The following ABCC12 variants were observed in gnomAD, a reference collection of about 807,000 sequenced individuals.
The protein encoded by ABCC12 is ATP-binding cassette sub-family C member 12.
Under a neutral mutation model 151.1 loss-of-function variants are expected in ABCC12, and 142 were observed. The observed-to-expected ratio is 0.94, with a 90% CI of 0.82 to 1.08. ABCC12 has a LOEUF of 1.08. Among genes scored for constraint, ABCC12 ranks in the 50% least tolerant of loss-of-function variants. The pLI, the probability that ABCC12 is intolerant of heterozygous loss-of-function variation, is 0.00. For synonymous variants in ABCC12, 645 were observed against 646.4 expected (o/e 1.00, Z 0.03); for missense variants, 1,638 against 1,691.1 (o/e 0.97, Z 0.55).
chr16:48,138,162 A>T, intron 8 of ABCC12, 66 bp downstream of exon 8: 3 of 1,490,160 alleles, frequency 2.0e-6, no homozygotes, highest in Non-Finnish European at 2.7e-6. Context: ...TGGGAACCGT[A>T]AGAACCCCTT....
rs1209147079 is a variant in ABCC12, at chr16:48,155,882, A to T, written c.-361T>A. On this transcript the variant is annotated 5_prime_UTR_variant, in exon 1 of 31. The change abolishes an upstream ATG in the 5' untranslated region. Coordinates refer to ENST00000311303, the MANE Select transcript of ABCC12 (RefSeq NM_001393797.1). ...AGGGAGGGGAGGAGGGTCAGCAGTC[A>T]TGGGGCTCAGAGCCTGGCATCTGCT... 2 of 152,342 alleles carry T rather than the reference A, an allele frequency of 1.3e-5. No individual in the cohort carries two copies. The highest frequency in any genetic ancestry group is 2.9e-5 in the Non-Finnish European group (2 of 68,168). 9.4% of individuals were successfully genotyped at this position (152,342 alleles called of 1,614,324 possible).
intron 8 of ABCC12, among the ~76,000 whole-genome samples, chr16:48,137,802 T>C (rs16945857): frequency 0.02 from 3,048 of 152,310 alleles, 98 homozygotes; most frequent in African/African-American, 0.07. Flanking sequence ...CAAGGAGTGT[T>C]GAGTCAGTGG....
intron 25 of ABCC12, 69 bp downstream of exon 25, chr16:48,091,037 TTTCGCATCTAAAAA>T: frequency 7.3e-7 from 1 of 1,365,916 alleles, no homozygotes; most frequent in Middle Eastern, 1.8e-4. Context: ...AAAAGACCCC[TTTCGCATCTAAAAA>T]GATCCAGTAT....
At position 48,104,125 on chromosome 16, in the gene ABCC12, A is replaced by G; in HGVS notation, c.2900+17T>C. 2 of 1,610,802 alleles carry G rather than the reference A, an allele frequency of 1.2e-6. No homozygotes were observed. Among genetic ancestry groups the G allele is most frequent in the Middle Eastern group, 1.7e-4 (1 of 6,044 alleles). Reference sequence around the variant, plus strand: ...GTGTGTGTATCGTTTTCTCGTGTAAATAGCACATGGGCCTACCGTAACAGA... The same window carrying G: ...GTGTGTGTATCGTTTTCTCGTGTAAGTAGCACATGGGCCTACCGTAACAGA... On this transcript the variant is annotated intron_variant, in intron 22 of 30. Transcript: ENST00000311303.
At chr16:48,120,845 C>T (rs962828503) in intron 13 of ABCC12, among the ~76,000 whole-genome samples, 11 of 152,306 alleles carry the variant, frequency 7.2e-5, no homozygotes, top group South Asian at 2.1e-4. Context: ...TGAGCCACTG[C>T]GCCCAGCTAA....
Position 48,108,491 on chromosome 16 carries a change from C to A in ABCC12, c.2320G>T (p.Glu774Ter), listed in dbSNP as rs779262758. ...HQLIQTESPQ[E>*]GTVTWKTYHT... The stretch of plus-strand genomic sequence containing the variant: ...TATGTTTTCCAGGTCACGGTTCCTT[C>A]CTGGGGGGATTCAGTCTGGATGAGC... The change falls in exon 19 of 31, where the codon GAA (glutamate) becomes TAA (stop). Residue 774 changes from glutamate (E) to a stop codon, truncating the protein, a stop_gained. Transcript: ENST00000311303. LOFTEE classifies it high-confidence loss of function. 6.2e-7 allele frequency: 1 copy of A among 1,614,178 alleles called. No individual in the cohort carries two copies. The highest frequency in any genetic ancestry group is 8.5e-7 in the Non-Finnish European group (1 of 1,180,030).
chr16:48,087,753 C>T (rs1391471700), intron 27 of ABCC12, 173 bp downstream of exon 27: 3 of 646,594 alleles, frequency 4.6e-6, no homozygotes, highest in Non-Finnish European at 7.8e-6. Context: ...TGGCTCCTCC[C>T]AAGGCTGGAT....
At chr16:48,118,283 C>G (rs928527432) in intron 13 of ABCC12, among the ~76,000 whole-genome samples, 5 of 152,196 alleles carry the variant, frequency 3.3e-5, no homozygotes, top group African/African-American at 1.2e-4. Context: ...ACACCCTCCT[C>G]CCTCGGTTTT....
At chr16:48,112,759 G>T (rs1011732637) in intron 15 of ABCC12, among the ~76,000 whole-genome samples, 1 of 152,050 alleles carries the variant, frequency 6.6e-6, no homozygotes, top group Non-Finnish European at 1.5e-5. Context: ...TTTAGCCCAG[G>T]AGAAGCAGAC....
chr16:48,142,654 C>A (rs1964856275), intron 4 of ABCC12, among the ~76,000 whole-genome samples: 1 of 152,178 alleles, frequency 6.6e-6, no homozygotes, highest in Non-Finnish European at 1.5e-5. Context: ...CCCAGGCCTT[C>A]CCCATTCTTT....
chr16:48,135,654 G>C (rs1964583856), intron 8 of ABCC12, among the ~76,000 whole-genome samples: 1 of 152,076 alleles, frequency 6.6e-6, no homozygotes, highest in Admixed American at 6.5e-5. Context: ...ATTTTTCTGA[G>C]ACATCTCCCT....
intron 28 of ABCC12, 153 bp downstream of exon 28, chr16:48,086,588 A>T: frequency 1.5e-6 from 1 of 659,160 alleles, no homozygotes; most frequent in Non-Finnish European, 2.7e-6. Flanking sequence ...AGGAAAGAAT[A>T]ACTAAGGATT....
intron 27 of ABCC12, 86 bp from the exon 28 acceptor site, chr16:48,086,905 A>G (rs1962635094): frequency 9.2e-7 from 1 of 1,092,212 alleles, no homozygotes. Context: ...TAGCATGTGG[A>G]GGAGGGTAGG....
At chr16:48,108,682 A>G (rs1281437718) in intron 18 of ABCC12, among the ~76,000 whole-genome samples, 153 bp from the exon 19 acceptor site, 1 of 151,952 alleles carries the variant, frequency 6.6e-6, no homozygotes, top group Non-Finnish European at 1.5e-5. Context: ...CTTCCAACAC[A>G]CTTTTGCTCA....
intron 18 of ABCC12, among the ~76,000 whole-genome samples, chr16:48,110,161 C>G (rs1435734405): frequency 6.6e-6 from 1 of 152,210 alleles, no homozygotes; most frequent in Admixed American, 6.5e-5. Flanking sequence ...ACTATGTTGC[C>G]TTTCCAAATG....
At chr16:48,146,608 T>C (rs1965012557) in intron 2 of ABCC12, 134 bp from the exon 3 acceptor site, 2 of 583,870 alleles carry the variant, frequency 3.4e-6, no homozygotes, top group Non-Finnish European at 6.1e-6. Flanking sequence ...CTTTCCACAT[T>C]TGTAGGGGAG....
chr16:48,149,813 C>G (rs1479284562), intron 2 of ABCC12, among the ~76,000 whole-genome samples: 1 of 152,090 alleles, frequency 6.6e-6, no homozygotes, highest in Non-Finnish European at 1.5e-5. Flanking sequence ...ACAGATGATC[C>G]AAATACACAC....
intron 2 of ABCC12, among the ~76,000 whole-genome samples, chr16:48,147,601 G>A (rs1176973341): frequency 6.6e-6 from 1 of 152,144 alleles, no homozygotes; most frequent in Admixed American, 6.5e-5. Flanking sequence ...TACAGAAGAG[G>A]AAACAAAGGC....
chr16:48,122,643 G>A (rs1203117099), intron 12 of ABCC12, among the ~76,000 whole-genome samples: 2 of 152,188 alleles, frequency 1.3e-5, no homozygotes, highest in Admixed American at 6.5e-5. Flanking sequence ...AAGAAGGAGA[G>A]TCACCAAGGC....
Sources: gnomAD v4.1 joint callset for allele counts (sites outside exome capture counted in the v4.1 genomes callset) on GRCh38, gnomAD v4.1.1 for gene constraint, MANE v1.5 for transcripts, NCBI Gene and HGNC (gene_info 2026-07-23, HGNC 2026-07-21) for gene names.